The following USP34 variants were observed in gnomAD, a reference collection of about 807,000 sequenced individuals.
USP34 encodes the protein ubiquitin specific peptidase 34.
USP34 carries 70 observed loss-of-function variants against 460.3 expected under a neutral mutation model. That is an observed-to-expected ratio of 0.15 (90% CI 0.13 to 0.19). The LOEUF is 0.19. USP34 is among the 10% of genes least tolerant of loss of function. USP34 has a pLI of 1.00. For synonymous variants in USP34, 1,647 were observed against 1,405.3 expected (o/e 1.17, Z -3.85); for missense variants, 3,985 against 4,236.2 (o/e 0.94, Z 1.65).
intron 20 of USP34, among the ~76,000 whole-genome samples, chr2:61,329,047 G>A (rs572310556): frequency 6.6e-6 from 1 of 152,292 alleles, no homozygotes; most frequent in South Asian, 2.1e-4. Context: ...TTGAGACGGA[G>A]TTTCACTCTT....
In USP34 at chr2:61,236,374, T is replaced by C; in HGVS notation, c.6793A>G (p.Asn2265Asp). The change falls in exon 54 of 80, where the codon AAC (asparagine) becomes GAC (aspartate). Residue 2265 changes from asparagine to aspartate, a missense_variant. This residue lies in a region of USP34 where 604 missense variants were observed against 684.8 expected (regional missense o/e 0.88). Transcript: ENST00000398571. ...TTTTTGTCTTGAAGAAACTGCATGT[T>C]ATCATGCCAAATCCACTGAAAATAA... ...SELLEWIWHD[N>D]MQFLQDKNIF... 1 of 1,600,944 alleles carries C rather than the reference T, an allele frequency of 6.2e-7. No homozygotes were observed. Among genetic ancestry groups the C allele is most frequent in the African/African-American group, 1.3e-5 (1 of 74,490 alleles).
At position 61,260,012 on chromosome 2, in the gene USP34, A is replaced by G. The variant is rs773143844; in HGVS notation, c.5779-236T>C. 3.2e-4 allele frequency among the ~76,000 whole-genome samples: 49 copies of G among 152,240 alleles called. 1 individual carries two copies. Among genetic ancestry groups the G allele is most frequent in the Admixed American group, 2.6e-4 (4 of 15,276 alleles). ...AAGGAAACCGAAGAGAGAATTTTAAAAATCACTTTCTAGGTTAACACTTAT... is the reference window on the plus strand; with the variant it reads ...AAGGAAACCGAAGAGAGAATTTTAAGAATCACTTTCTAGGTTAACACTTAT... On this transcript the variant is annotated intron_variant, in intron 43 of 79. Coordinates refer to ENST00000398571, the MANE Select transcript of USP34 (RefSeq NM_014709.4).
At chr2:61,261,958 C>G (rs937823459) in intron 43 of USP34, among the ~76,000 whole-genome samples, 2 of 151,332 alleles carry the variant, frequency 1.3e-5, no homozygotes, top group Admixed American at 1.3e-4. Flanking sequence ...CAAAAATTAG[C>G]CAGGTGCCTG....
At chr2:61,323,268 T>C (rs774602352) in intron 21 of USP34, among the ~76,000 whole-genome samples, 5 of 152,070 alleles carry the variant, frequency 3.3e-5, no homozygotes, top group Admixed American at 6.6e-5. Flanking sequence ...TCCCACCACT[T>C]TGGGAGGCCG....
In USP34 at chr2:61,245,301, A is replaced by G. The variant is rs754922514; in HGVS notation, c.6549-13T>C. Reference sequence around the variant, plus strand: ...ATTAAAAAGATACCTAAAATAGAGCATATAGTATTAATCTAGTATGCATAT... The same window carrying G: ...ATTAAAAAGATACCTAAAATAGAGCGTATAGTATTAATCTAGTATGCATAT... On this transcript the variant is annotated splice_polypyrimidine_tract_variant and intron_variant, in intron 50 of 79. Transcript: ENST00000398571. 1 of 1,561,520 alleles carries G rather than the reference A, an allele frequency of 6.4e-7. No individual in the cohort carries two copies. Among genetic ancestry groups the G allele is most frequent in the Non-Finnish European group, 8.8e-7 (1 of 1,138,442 alleles).
intron 32 of USP34, among the ~76,000 whole-genome samples, chr2:61,294,132 T>G (rs1487017620): frequency 6.6e-6 from 1 of 151,674 alleles, no homozygotes; most frequent in Non-Finnish European, 1.5e-5. Flanking sequence ...GATCACGAGG[T>G]CAGCAGATCA....
intron 48 of USP34, among the ~76,000 whole-genome samples, chr2:61,255,653 G>C (rs1269913586): frequency 1.3e-5 from 2 of 152,220 alleles, no homozygotes; most frequent in Non-Finnish European, 1.5e-5. Context: ...AAAGTCCCTA[G>C]TTAGCTACTA....
intron 16 of USP34, among the ~76,000 whole-genome samples, chr2:61,343,234 T>C (rs1691660794): frequency 3.9e-5 from 6 of 152,200 alleles, no homozygotes; most frequent in Non-Finnish European, 1.5e-5. Context: ...TTTCTTATTT[T>C]TTCTTGCTTT....
At chr2:61,401,608 G>A (rs1246206822) in intron 3 of USP34, among the ~76,000 whole-genome samples, 2 of 137,610 alleles carry the variant, frequency 1.5e-5, no homozygotes, top group African/African-American at 2.8e-5. Context: ...GAGTGCAGTG[G>A]CACGATCTCA....
chr2:61,274,227 T>C (rs907735433), intron 41 of USP34, among the ~76,000 whole-genome samples: 6 of 151,686 alleles, frequency 4.0e-5, no homozygotes, highest in African/African-American at 1.2e-4. Context: ...CGGTCTCCAC[T>C]AAAAATACAA....
intron 1 of USP34, among the ~76,000 whole-genome samples, chr2:61,424,980 C>T (rs572043858): frequency 1.3e-5 from 2 of 152,142 alleles, no homozygotes; most frequent in African/African-American, 2.4e-5. Flanking sequence ...CCACCACGCC[C>T]GGCTAATTTT....
At chr2:61,344,511 A>T (rs1423855804) in intron 15 of USP34, among the ~76,000 whole-genome samples, 1 of 152,240 alleles carries the variant, frequency 6.6e-6, no homozygotes, top group East Asian at 1.9e-4. Flanking sequence ...CCGGACATAA[A>T]GACAAAATGA....
chr2:61,270,917 CTTAA>C (rs1689194021), intron 41 of USP34, among the ~76,000 whole-genome samples: 1 of 152,140 alleles, frequency 6.6e-6, no homozygotes, highest in African/African-American at 2.4e-5. Context: ...TTTCCTATGA[CTTAA>C]TTTTTACTCA....
intron 1 of USP34, among the ~76,000 whole-genome samples, chr2:61,469,221 G>T: frequency 6.6e-6 from 1 of 151,964 alleles, no homozygotes; most frequent in East Asian, 1.9e-4. Context: ...AAAAAAAAAA[G>T]ATATTTAAAA....
intron 1 of USP34, among the ~76,000 whole-genome samples, chr2:61,436,928 T>C (rs892278523): frequency 6.6e-6 from 1 of 152,172 alleles, no homozygotes; most frequent in African/African-American, 2.4e-5. Context: ...TTAAACAACA[T>C]GCTCCTGAAT....
intron 48 of USP34, among the ~76,000 whole-genome samples, chr2:61,256,147 C>T (rs953744255): frequency 3.9e-5 from 6 of 152,088 alleles, no homozygotes; most frequent in African/African-American, 1.2e-4. Flanking sequence ...ATCTGCTCCC[C>T]AAAATCTATA....
At chr2:61,365,431 A>G (rs973327836) in intron 10 of USP34, among the ~76,000 whole-genome samples, 1 of 152,052 alleles carries the variant, frequency 6.6e-6, no homozygotes, top group African/African-American at 2.4e-5. Flanking sequence ...AAGACAAACC[A>G]CATGAGAGAA....
chr2:61,340,738 A>G (rs1572949419), intron 16 of USP34, among the ~76,000 whole-genome samples: 1 of 152,130 alleles, frequency 6.6e-6, no homozygotes, highest in Non-Finnish European at 1.5e-5. Context: ...GAAATAAGTA[A>G]TTTGCCACTC....
In USP34 at chr2:61,447,995, C is replaced by A. The variant is rs574478413; in HGVS notation, c.43+22655G>T. 3.2e-4 allele frequency among the ~76,000 whole-genome samples: 48 copies of A among 152,292 alleles called. No individual in the cohort carries two copies. In the Middle Eastern group the frequency reaches 0.014, roughly 43 times the overall value. ...CCTCCCAAAATACTGGGATTACAGGCAAGAGCCAAGGATCTGTGAAATTTA... is the reference window on the plus strand; with the variant it reads ...CCTCCCAAAATACTGGGATTACAGGAAAGAGCCAAGGATCTGTGAAATTTA... On this transcript the variant is annotated intron_variant, in intron 1 of 79. Transcript: ENST00000398571.
Sources: allele counts gnomAD v4.1 joint callset (sites outside exome capture counted in the v4.1 genomes callset), GRCh38; gene constraint gnomAD v4.1.1; regional missense constraint gnomAD v4.1.1; transcripts MANE v1.5; gene names NCBI Gene and HGNC (gene_info 2026-07-23, HGNC 2026-07-21).